GADL1: variants seen among roughly 807,000 people sequenced by gnomAD.
The protein encoded by GADL1 is acidic amino acid decarboxylase GADL1.
In GADL1, 71 loss-of-function variants were observed where a neutral mutation model predicts 69.5. The observed-to-expected ratio is 1.02, with a 90% CI of 0.84 to 1.25. The LOEUF (loss-of-function observed/expected upper bound fraction) is 1.25, where lower values mean the gene tolerates loss of function less well. Ranked by LOEUF, GADL1 falls within the 50% of genes most tolerant of loss-of-function variation. GADL1 has a pLI of 0.00. For synonymous variants in GADL1, 254 were observed against 214.4 expected, an observed-to-expected ratio of 1.18 and a Z score of -1.62; for missense variants, 737 against 631.8, an observed-to-expected ratio of 1.17 and a Z score of -1.79.
intron 14 of GADL1, among the ~76,000 whole-genome samples, chr3:30,777,263 G>T (rs574237215): frequency 2.0e-5 from 3 of 151,840 alleles, no homozygotes; most frequent in East Asian, 3.9e-4. Context: ...AAAAAAAAAC[G>T]TTTTCCCCCT....
chr3:30,820,763 G>A (rs902240333), intron 11 of GADL1, among the ~76,000 whole-genome samples: 1 of 151,780 alleles, frequency 6.6e-6, no homozygotes, highest in Non-Finnish European at 1.5e-5. Context: ...AGTCAGTGTG[G>A]CGATTCCTCA....
chr3:30,824,110 C>A (rs892310522), intron 11 of GADL1, among the ~76,000 whole-genome samples: 3 of 151,402 alleles, frequency 2.0e-5, no homozygotes, highest in African/African-American at 7.3e-5. Context: ...AAAGCTCATG[C>A]AAGAAAAACT....
intron 11 of GADL1, among the ~76,000 whole-genome samples, chr3:30,810,752 T>C (rs1045751913): frequency 3.3e-5 from 5 of 152,208 alleles, no homozygotes; most frequent in South Asian, 2.1e-4. Flanking sequence ...CTCGCCTTTC[T>C]TCTCGCTTGT....
chr3:30,840,019 T>G (rs1697941265), intron 8 of GADL1, among the ~76,000 whole-genome samples: 1 of 151,932 alleles, frequency 6.6e-6, no homozygotes, highest in Non-Finnish European at 1.5e-5. Context: ...CAGACAAATG[T>G]GGGGGTGAGG....
intron 14 of GADL1, among the ~76,000 whole-genome samples, chr3:30,758,510 T>TG (rs1318971944): frequency 6.6e-6 from 1 of 151,196 alleles, no homozygotes; most frequent in Admixed American, 6.6e-5. Flanking sequence ...CAAAAAAACA[T>TG]GAGATGGTAA....
At chr3:30,769,241 G>A (rs945537045) in intron 14 of GADL1, among the ~76,000 whole-genome samples, 11 of 152,162 alleles carry the variant, frequency 7.2e-5, no homozygotes, top group Admixed American at 5.9e-4. Context: ...TTCAGTGCTC[G>A]TATTTAGGTC....
intron 6 of GADL1, among the ~76,000 whole-genome samples, chr3:30,848,973 G>T (rs2125531157): frequency 6.6e-6 from 1 of 152,238 alleles, no homozygotes; most frequent in East Asian, 1.9e-4. Context: ...CCCACATCTT[G>T]GGTCTGGGCT....
intron 1 of GADL1, among the ~76,000 whole-genome samples, chr3:30,870,938 T>C (rs889241087): frequency 4.6e-5 from 7 of 151,500 alleles, no homozygotes; most frequent in Admixed American, 4.6e-4. Flanking sequence ...CATAGGAAGA[T>C]CGACATTTTG....
At chr3:30,774,162 T>C (rs1696482107) in intron 14 of GADL1, among the ~76,000 whole-genome samples, 1 of 152,158 alleles carries the variant, frequency 6.6e-6, no homozygotes, top group Non-Finnish European at 1.5e-5. Context: ...GTTTCAGATT[T>C]TCATGATTTT....
At chr3:30,827,310 C>A (rs1697696891) in intron 11 of GADL1, among the ~76,000 whole-genome samples, 1 of 151,840 alleles carries the variant, frequency 6.6e-6, no homozygotes, top group Non-Finnish European at 1.5e-5. Context: ...GTGCCCAGTT[C>A]AAGCCCTGCA....
chr3:30,806,640 A>T (rs1575214191), intron 11 of GADL1, among the ~76,000 whole-genome samples: 1 of 152,218 alleles, frequency 6.6e-6, no homozygotes, highest in Admixed American at 6.5e-5. Flanking sequence ...CTAGAATAGG[A>T]GGAAGAACAA....
chr3:30,818,478 GTTGA>G (rs1325002750), intron 11 of GADL1, among the ~76,000 whole-genome samples: 3 of 152,052 alleles, frequency 2.0e-5, no homozygotes, highest in African/African-American at 4.8e-5. Flanking sequence ...ATAAAACATG[GTTGA>G]TTAAGATTTT....
chr3:30,738,668 T>A (rs777894897), intron 14 of GADL1, among the ~76,000 whole-genome samples: 1 of 152,182 alleles, frequency 6.6e-6, no homozygotes, highest in African/African-American at 2.4e-5. Flanking sequence ...TTAGGTTCTA[T>A]GGGCAGTGGT....
intron 13 of GADL1, among the ~76,000 whole-genome samples, chr3:30,781,610 CAAAA>C (rs1006907421): frequency 6.6e-6 from 1 of 152,084 alleles, no homozygotes; most frequent in Admixed American, 6.5e-5. Context: ...CACTGGATAG[CAAAA>C]AAGCCTAAGT....
intron 11 of GADL1, among the ~76,000 whole-genome samples, chr3:30,803,809 G>C (rs1697203873): frequency 6.6e-6 from 1 of 152,262 alleles, no homozygotes; most frequent in Middle Eastern, 3.4e-3. Flanking sequence ...TTAGTTTTAA[G>C]ACATCAACTA....
At chr3:30,789,048 A>G (rs1329691439) in intron 12 of GADL1, among the ~76,000 whole-genome samples, 1 of 152,240 alleles carries the variant, frequency 6.6e-6, no homozygotes, top group Non-Finnish European at 1.5e-5. Context: ...TCAGTGGTGT[A>G]TAAAAGGGTA....
chr3:30,845,220 G>T (rs1698034336), intron 6 of GADL1, among the ~76,000 whole-genome samples: 1 of 152,076 alleles, frequency 6.6e-6, no homozygotes, highest in Non-Finnish European at 1.5e-5. Context: ...AATTAAGTCT[G>T]GTCTATTTCT....
chr3:30,727,359 G>C lies in GADL1; in HGVS notation c.*883C>G, dbSNP rs1487827714. ...TTATTAATAGAACCTGTATTTTTCT[G>C]TCAATTATTGTGCTTTCAATTATTG... is the stretch of plus-strand genomic sequence containing the variant. On this transcript the variant is annotated 3_prime_UTR_variant, in exon 15 of 15. Transcript: ENST00000282538. The C allele has an allele frequency of 6.7e-6, 1 of 149,026 alleles. No individual in the cohort carries two copies. The highest frequency in any genetic ancestry group is 2.5e-5 in the African/African-American group (1 of 40,772). 9.2% of individuals were successfully genotyped at this position (149,026 alleles called of 1,614,324 possible).
At position 30,894,605 on chromosome 3, in the gene GADL1, C is replaced by G. The variant is rs905340558; in HGVS notation, c.10G>C (p.Asp4His). Reference sequence around the variant, plus strand: ...TCCACAGGACACTGGCGGTCCGAGTCGCTGCTCATCTCCGCTCCCCCACTC... The same window carrying G: ...TCCACAGGACACTGGCGGTCCGAGTGGCTGCTCATCTCCGCTCCCCCACTC... MSS[D>H]SDRQCPVDGD... Residue 4 changes from aspartate (D) to histidine (H), a missense_variant, in exon 1 of 15, where the codon GAC becomes CAC. Transcript: ENST00000282538. The G allele has an allele frequency of 5.2e-6, 8 of 1,551,016 alleles. No individual in the cohort carries two copies. The highest frequency in any genetic ancestry group is 7.0e-6 in the Non-Finnish European group (8 of 1,146,704).
Sources: allele counts gnomAD v4.1 joint callset (sites outside exome capture counted in the v4.1 genomes callset), GRCh38; gene constraint gnomAD v4.1.1; transcripts MANE v1.5; gene names NCBI Gene and HGNC (gene_info 2026-07-23, HGNC 2026-07-21).